Variants in CLEC16A observed in about 807,000 individuals in gnomAD.
The protein encoded by CLEC16A is protein CLEC16A.
Under a neutral mutation model 109.5 loss-of-function variants are expected in CLEC16A, and 51 were observed. That is an observed-to-expected ratio of 0.47 (90% CI 0.37 to 0.59). CLEC16A has a LOEUF of 0.59. Among genes scored for constraint, CLEC16A ranks in the 20% least tolerant of loss-of-function variants. CLEC16A has a pLI of 0.00. For synonymous variants in CLEC16A, 673 were observed against 564.2 expected, an observed-to-expected ratio of 1.19 and a Z score of -2.73; for missense variants, 1,339 against 1,394.0, an observed-to-expected ratio of 0.96 and a Z score of 0.63.
chr16:11,085,403 G>T (rs544624889), intron 19 of CLEC16A, among the ~76,000 whole-genome samples: 2 of 152,278 alleles, frequency 1.3e-5, no homozygotes, highest in East Asian at 3.8e-4. Context: ...GGGGCAGCAC[G>T]CTGGCAAGCA....
At chr16:10,973,877 G>T (rs143913194) in intron 7 of CLEC16A, among the ~76,000 whole-genome samples, 1 of 143,460 alleles carries the variant, frequency 7.0e-6, no homozygotes, top group Non-Finnish European at 1.5e-5. Flanking sequence ...GCCAAGTAAG[G>T]GGCTGCTTGC....
chr16:11,161,779 G>A (rs956642679), intron 22 of CLEC16A, among the ~76,000 whole-genome samples: 2 of 152,338 alleles, frequency 1.3e-5, no homozygotes, highest in Admixed American at 6.5e-5. Flanking sequence ...CATTTTTTAA[G>A]AAAGCAGAAA....
intron 4 of CLEC16A, 63 bp downstream of exon 4, chr16:10,969,372 T>C: frequency 8.2e-7 from 1 of 1,220,408 alleles, no homozygotes; most frequent in African/African-American, 1.6e-5. Context: ...TTTTTTTTTT[T>C]TTACGGCAGC....
chr16:11,129,594 T>TTG (rs2053054725), intron 22 of CLEC16A, among the ~76,000 whole-genome samples: 2 of 152,230 alleles, frequency 1.3e-5, no homozygotes, highest in African/African-American at 2.4e-5. Flanking sequence ...TAAATCACTG[T>TTG]GGCCTTCCCT....
At chr16:10,993,987 T>C (rs372496549) in intron 10 of CLEC16A, among the ~76,000 whole-genome samples, 16 of 152,270 alleles carry the variant, frequency 1.1e-4, no homozygotes, top group Middle Eastern at 6.8e-3. Flanking sequence ...CAAGAGGAAA[T>C]TGCAGCACCA....
chr16:11,027,939 G>T (rs371846424), intron 13 of CLEC16A, among the ~76,000 whole-genome samples: 1 of 152,216 alleles, frequency 6.6e-6, no homozygotes, highest in Non-Finnish European at 1.5e-5. Flanking sequence ...TGTGGCTCAC[G>T]CCCGTAATCC....
chr16:10,948,146 A>G (rs377614212), intron 1 of CLEC16A, among the ~76,000 whole-genome samples: 151 of 152,020 alleles, frequency 9.9e-4, no homozygotes, highest in South Asian at 5.2e-3. Context: ...GCCCTCCTTG[A>G]CCTCCCAAAG....
chr16:11,009,267 C>T (rs142076533), intron 11 of CLEC16A, among the ~76,000 whole-genome samples: 52 of 152,260 alleles, frequency 3.4e-4, no homozygotes, highest in African/African-American at 1.0e-3. Context: ...TGGGGATTTC[C>T]TTCTCTTTCT....
At chr16:10,951,228 C>T (rs1276205626) in intron 1 of CLEC16A, among the ~76,000 whole-genome samples, 2 of 152,156 alleles carry the variant, frequency 1.3e-5, no homozygotes, top group Admixed American at 6.5e-5. Flanking sequence ...AGTTAGCTAA[C>T]AGGCAAAGCT....
rs1241787337 is a variant in CLEC16A, at chr16:11,134,117, C to T, written c.2641+7971C>T. On this transcript the variant is annotated intron_variant, in intron 22 of 23. Coordinates refer to ENST00000409790, the MANE Select transcript of CLEC16A (RefSeq NM_015226.3). The stretch of plus-strand genomic sequence containing the variant: ...AGATACCCTCCCTCCAGCGTCAGAC[C>T]CTGAGTCCCACCACCATGCTGAACC... Among the ~76,000 whole-genome samples, 11 of 152,028 alleles carry T rather than the reference C, an allele frequency of 7.2e-5. 1 individual carries two copies. In the East Asian group the frequency reaches 1.2e-3, roughly 16 times the overall value.
At chr16:11,132,028 C>T (rs746292770) in intron 22 of CLEC16A, among the ~76,000 whole-genome samples, 1 of 152,210 alleles carries the variant, frequency 6.6e-6, no homozygotes, top group Non-Finnish European at 1.5e-5. Context: ...CCCTGAGTGC[C>T]CAGGTCACCC....
intron 19 of CLEC16A, among the ~76,000 whole-genome samples, chr16:11,075,857 C>T (rs957796249): frequency 2.0e-5 from 3 of 152,070 alleles, no homozygotes; most frequent in Non-Finnish European, 2.9e-5. Flanking sequence ...GCCCAGTTGA[C>T]GAGGGCTGGC....
chr16:10,967,612 A>G (rs1260825157), intron 3 of CLEC16A, among the ~76,000 whole-genome samples: 1 of 152,188 alleles, frequency 6.6e-6, no homozygotes, highest in Non-Finnish European at 1.5e-5. Flanking sequence ...GAGTGCTTGC[A>G]TTGCGGCCCA....
intron 19 of CLEC16A, among the ~76,000 whole-genome samples, chr16:11,109,649 T>C (rs1384900888): frequency 6.6e-6 from 1 of 152,160 alleles, no homozygotes; most frequent in Non-Finnish European, 1.5e-5. Flanking sequence ...TGGATGGGTG[T>C]GTGGAGGGGC....
At chr16:11,107,119 C>T (rs2051271569) in intron 19 of CLEC16A, among the ~76,000 whole-genome samples, 1 of 152,352 alleles carries the variant, frequency 6.6e-6, no homozygotes, top group South Asian at 2.1e-4. Flanking sequence ...GCCCAGTGAA[C>T]AGCTCAAACC....
rs1319942799 is a variant in CLEC16A at position 10,984,138 on chromosome 16, T to C, written c.1071+1147T>C. 2.6e-5 allele frequency among the ~76,000 whole-genome samples: 4 copies of C among 152,150 alleles called. No individual in the cohort carries two copies. The East Asian group carries it at 7.7e-4, about 29-fold the overall frequency. Reference sequence around the variant, plus strand: ...GCTCGCCCTGGGGTAGTAGATTTGCTGCCCCACCTACATGAATGGGTGGAA... The same window carrying C: ...GCTCGCCCTGGGGTAGTAGATTTGCCGCCCCACCTACATGAATGGGTGGAA... On this transcript the variant is annotated intron_variant, in intron 10 of 23. Coordinates refer to ENST00000409790, the MANE Select transcript of CLEC16A (RefSeq NM_015226.3).
chr16:10,971,008 A>ATT lies in CLEC16A; in HGVS notation c.493-101_493-100dup, dbSNP rs35498388. 603 of 506,582 alleles carry ATT rather than the reference A, an allele frequency of 1.2e-3. 1 individual carries two copies. Among genetic ancestry groups the ATT allele is most frequent in the South Asian group, 2.0e-3 (82 of 40,620 alleles). 31.4% of individuals were successfully genotyped at this position (506,582 alleles called of 1,614,324 possible). ...CTGACTTACGGTTCACATTGGCAAC[A>ATT]TTTTTTTTTTTTTTTTTGTCTTTTT... is the stretch of plus-strand genomic sequence containing the variant. On this transcript the variant is annotated intron_variant, in intron 4 of 23. Transcript: ENST00000409790.
intron 23 of CLEC16A, among the ~76,000 whole-genome samples, chr16:11,172,069 C>T (rs1465682103): frequency 6.6e-6 from 1 of 152,120 alleles, no homozygotes; most frequent in Non-Finnish European, 1.5e-5. Flanking sequence ...CACACAGTCA[C>T]ACACATGCCA....
intron 22 of CLEC16A, among the ~76,000 whole-genome samples, chr16:11,130,112 C>T (rs1352428247): frequency 1.3e-5 from 2 of 152,190 alleles, no homozygotes; most frequent in South Asian, 2.1e-4. Flanking sequence ...CTGGCTGATG[C>T]CTTTGTGTGC....
Sources: allele counts gnomAD v4.1 joint callset (sites outside exome capture counted in the v4.1 genomes callset), GRCh38; gene constraint gnomAD v4.1.1; transcripts MANE v1.5; gene names NCBI Gene and HGNC (gene_info 2026-07-23, HGNC 2026-07-21).